ARID2: variants seen among roughly 807,000 people sequenced by gnomAD.
ARID2 encodes the protein AT-rich interaction domain 2.
A neutral mutation model predicts 184.6 loss-of-function variants in ARID2; 32 were observed. That is an observed-to-expected ratio of 0.17 (90% CI 0.13 to 0.23). The LOEUF is 0.23. ARID2 is among the 10% of genes least tolerant of loss of function. ARID2 has a pLI of 1.00. For missense variants in ARID2, 1,696 were observed against 2,197.6 expected (o/e 0.77, Z 4.56); for synonymous variants, 836 against 772.6 (o/e 1.08, Z -1.36).
At chr12:45,767,357 A>C (rs1192738299) in intron 3 of ARID2, among the ~76,000 whole-genome samples, 2 of 152,172 alleles carry the variant, frequency 1.3e-5, no homozygotes, top group African/African-American at 2.4e-5. Context: ...TGAAAAAAGG[A>C]AGAATTTTTA....
chr12:45,731,359 T>G (rs1565574703), intron 3 of ARID2, 45 bp downstream of exon 3: 1 of 1,395,834 alleles, frequency 7.2e-7, no homozygotes, highest in Non-Finnish European at 1.0e-6. Context: ...ATAAGGGACT[T>G]ATGGAGAGAT....
intron 16 of ARID2, among the ~76,000 whole-genome samples, chr12:45,876,039 T>C (rs1349373564): frequency 6.6e-6 from 1 of 152,266 alleles, no homozygotes; most frequent in Non-Finnish European, 1.5e-5. Context: ...GCTTTTAGCC[T>C]TTCTCAGCTT....
rs2138157166 is a variant in ARID2 at position 45,849,694 on chromosome 12, G to A, written c.1830G>A (p.Met610Ile). Residue 610 changes from methionine (M) to isoleucine (I), a missense_variant, in exon 14 of 21, where the codon ATG becomes ATA. This residue lies in a region of ARID2 where 713 missense variants were observed against 824.4 expected (regional missense o/e 0.86). Coordinates refer to ENST00000334344, the MANE Select transcript of ARID2 (RefSeq NM_152641.4). ...GGGCTATACCACTTCCCATTCAGAT[G>A]TACTATCAGCAGCAACCAGTTTCTA... is the stretch of plus-strand genomic sequence containing the variant. ...KRRAIPLPIQ[M>I]YYQQQPVSTS... 1.2e-6 allele frequency: 2 copies of A among 1,613,912 alleles called. No homozygotes were observed. The highest frequency in any genetic ancestry group is 1.7e-6 in the Non-Finnish European group (2 of 1,179,840).
chr12:45,900,700 T>C (rs1944446052), intron 20 of ARID2, among the ~76,000 whole-genome samples: 1 of 152,218 alleles, frequency 6.6e-6, no homozygotes, highest in Non-Finnish European at 1.5e-5. Flanking sequence ...AAGCATATCC[T>C]TCAATCATTT....
At chr12:45,761,577 A>G (rs1941679910) in intron 3 of ARID2, among the ~76,000 whole-genome samples, 1 of 152,060 alleles carries the variant, frequency 6.6e-6, no homozygotes, top group Non-Finnish European at 1.5e-5. Flanking sequence ...TGGTGTTCTG[A>G]AATCTGGTAT....
intron 16 of ARID2, among the ~76,000 whole-genome samples, chr12:45,886,203 CAAAG>C (rs1357958765): frequency 6.6e-6 from 1 of 151,904 alleles, no homozygotes; most frequent in Non-Finnish European, 1.5e-5. Context: ...TTGGCCAAAA[CAAAG>C]AGGCTACAGG....
chr12:45,859,078 T>C (rs1242789015), intron 15 of ARID2, among the ~76,000 whole-genome samples: 1 of 152,240 alleles, frequency 6.6e-6, no homozygotes, highest in East Asian at 1.9e-4. Flanking sequence ...CTGTGGCTTT[T>C]AATCTAAGTT....
chr12:45,891,567 G>A (rs186043328), intron 16 of ARID2, among the ~76,000 whole-genome samples: 3 of 152,278 alleles, frequency 2.0e-5, no homozygotes, highest in Non-Finnish European at 2.9e-5. Flanking sequence ...ATGTTCTATG[G>A]TGTTTTTAAT....
chr12:45,767,089 T>C (rs1210069657), intron 3 of ARID2, among the ~76,000 whole-genome samples: 1 of 152,204 alleles, frequency 6.6e-6, no homozygotes, highest in East Asian at 1.9e-4. Context: ...GCCATCCTCA[T>C]AGGTGTGTAG....
rs1030658647 is a variant in ARID2, at chr12:45,730,062, C to T, written c.111C>T (p.Ile37=). The change falls in exon 2 of 21, where the codon ATC becomes ATT. Residue 37 remains isoleucine (I), a synonymous_variant. Transcript: ENST00000334344. ...HHSRGSPFKK[I]PAVGGKELDL... ...CCCGCAGGTCGCCTTTTAAAAAAAT[C>T]CCTGCGGTGGGTGGGAAGGAGCTGG... 3 of 1,613,528 alleles carry T rather than the reference C, an allele frequency of 1.9e-6. No individual in the cohort carries two copies. The highest frequency in any genetic ancestry group is 1.7e-5 in the Admixed American group (1 of 59,990).
chr12:45,842,280 CACACACATATGTGTGTGTATATATAT>C (rs1424022904), intron 11 of ARID2: 3 of 148,680 alleles, frequency 2.0e-5, no homozygotes, highest in African/African-American at 5.0e-5. Flanking sequence ...TATACACATA[CACACACATATGTGTGTGTATATATAT>C]ACACACATGT....
At chr12:45,900,366 G>A (rs1477148098) in intron 20 of ARID2, among the ~76,000 whole-genome samples, 1 of 151,708 alleles carries the variant, frequency 6.6e-6, no homozygotes, top group Non-Finnish European at 1.5e-5. Context: ...CAGCTTTTTT[G>A]TCTCTGTATT....
rs930642646 is a variant in ARID2, at chr12:45,839,479, A to C, written c.1481A>C (p.His494Pro). 6.8e-6 allele frequency: 11 copies of C among 1,612,678 alleles called. No homozygotes were observed. Among genetic ancestry groups the C allele is most frequent in the Admixed American group, 5.0e-5 (3 of 59,580 alleles). The change falls in exon 11 of 21, where the codon CAT (histidine) becomes CCT (proline). Residue 494 changes from histidine (H) to proline (P), a missense_variant. By Grantham distance (77) the His-to-Pro change is moderately conservative. This residue lies in a region of ARID2 where 713 missense variants were observed against 824.4 expected (regional missense o/e 0.86). Coordinates refer to ENST00000334344, the MANE Select transcript of ARID2 (RefSeq NM_152641.4). Reference protein sequence around the residue: ...QAIEQVQTQTHVASAPASRAV... With the variant: ...QAIEQVQTQTPVASAPASRAV... The stretch of plus-strand genomic sequence containing the variant: ...ATAGAGCAAGTCCAAACCCAGACTC[A>C]TGTAGCATCTGCCCCAGGTTAGTGT...
At chr12:45,855,538 T>A (rs1390475495) in intron 15 of ARID2, among the ~76,000 whole-genome samples, 2 of 152,206 alleles carry the variant, frequency 1.3e-5, no homozygotes, top group African/African-American at 4.8e-5. Context: ...GAAGGTATGC[T>A]TTATCTTTTT....
chr12:45,851,918 C>T lies in ARID2; in HGVS notation c.3795C>T (p.Val1265=), dbSNP rs2138174630. 1 of 1,614,184 alleles carries T rather than the reference C, an allele frequency of 6.2e-7. No individual in the cohort carries two copies. The highest frequency in any genetic ancestry group is 1.3e-5 in the African/African-American group (1 of 75,066). The change falls in exon 15 of 21, where the codon GTC becomes GTT. Residue 1265 remains valine (V), a synonymous_variant. Coordinates refer to ENST00000334344, the MANE Select transcript of ARID2 (RefSeq NM_152641.4). ...GLHVHERKIE[V]MENPSCRRGA... ...ATGTTCATGAACGTAAAATTGAAGT[C>T]ATGGAGAACCCGTCCTGCCGACGAG...
Position 45,729,848 on chromosome 12 carries a change from G to T in ARID2, c.12G>T (p.Ser4=), listed in dbSNP as rs781723038. ...CCTTTGAAAAAATAATGGCAAACTC[G>T]ACGGGGAAGGCGCCTCCGGACGAGC... MAN[S]TGKAPPDERR... The change falls in exon 1 of 21, where the codon TCG becomes TCT. Residue 4 remains serine, a synonymous_variant. Coordinates refer to ENST00000334344, the MANE Select transcript of ARID2 (RefSeq NM_152641.4). 3.1e-5 allele frequency: 50 copies of T among 1,610,668 alleles called. No individual in the cohort carries two copies. The Middle Eastern group carries it at 1.8e-3, about 59-fold the overall frequency.
chr12:45,894,564 T>C (rs1206020449), intron 20 of ARID2, among the ~76,000 whole-genome samples: 1 of 152,224 alleles, frequency 6.6e-6, no homozygotes, highest in African/African-American at 2.4e-5. Context: ...GTATCAATTA[T>C]AAAAAGAAAA....
chr12:45,857,181 A>G (rs1351566213), intron 15 of ARID2, among the ~76,000 whole-genome samples: 1 of 152,208 alleles, frequency 6.6e-6, no homozygotes, highest in African/African-American at 2.4e-5. Context: ...GGATATACAT[A>G]TTTAAGATAT....
At chr12:45,904,666 G>A (rs1944498305) in intron 20 of ARID2, among the ~76,000 whole-genome samples, 2 of 141,004 alleles carry the variant, frequency 1.4e-5, no homozygotes, top group African/African-American at 5.6e-5. Context: ...ACTCCAGCCT[G>A]GCAATAGAGT....
Sources: gnomAD v4.1 joint callset for allele counts (sites outside exome capture counted in the v4.1 genomes callset) on GRCh38, gnomAD v4.1.1 for gene constraint, gnomAD v4.1.1 regional missense constraint, MANE v1.5 for transcripts, NCBI Gene and HGNC (gene_info 2026-07-23, HGNC 2026-07-21) for gene names.